The following PPP2R2C variants were observed in gnomAD, a reference collection of about 807,000 sequenced individuals.
PPP2R2C encodes the protein protein phosphatase 2, regulatory subunit B, gamma.
A neutral mutation model predicts 45.3 loss-of-function variants in PPP2R2C; 10 were observed. The observed-to-expected ratio is 0.22, with a 90% CI of 0.14 to 0.37. PPP2R2C has a LOEUF of 0.37. Among genes scored for constraint, PPP2R2C ranks in the 10% least tolerant of loss-of-function variants. The probability of loss-of-function intolerance (pLI) is 1.00; values close to 1 mark genes in which losing one functional copy is unlikely to be tolerated. For synonymous variants in PPP2R2C, 257 were observed against 245.4 expected, an observed-to-expected ratio of 1.05 and a Z score of -0.44; for missense variants, 308 against 619.7, an observed-to-expected ratio of 0.50 and a Z score of 5.34.
chr4:6,375,227 G>T (rs1715201320), intron 4 of PPP2R2C, among the ~76,000 whole-genome samples: 1 of 152,182 alleles, frequency 6.6e-6, no homozygotes, highest in Non-Finnish European at 1.5e-5. Context: ...AGTCATTTAG[G>T]CCAATGTATT....
chr4:6,487,206 C>T (rs1180037869), intron 2 of PPP2R2C, among the ~76,000 whole-genome samples: 1 of 151,978 alleles, frequency 6.6e-6, no homozygotes, highest in Non-Finnish European at 1.5e-5. Flanking sequence ...CCTCACACTA[C>T]ATGGTTATTA....
chr4:6,350,322 T>A (rs914327744), intron 5 of PPP2R2C: 120 of 985,370 alleles, frequency 1.2e-4, no homozygotes, highest in South Asian at 1.4e-4. Flanking sequence ...AGGTCCTTAC[T>A]GAACTTCACT....
At chr4:6,367,393 G>A (rs1714419325) in intron 5 of PPP2R2C, among the ~76,000 whole-genome samples, 1 of 152,062 alleles carries the variant, frequency 6.6e-6, no homozygotes, top group South Asian at 2.1e-4. Flanking sequence ...GCAGGGGTCA[G>A]AAGGATGCAA....
Position 6,351,070 on chromosome 4 carries a change from C to G in PPP2R2C, c.626-3060G>C, listed in dbSNP as rs190093417. Reference sequence around the variant, plus strand: ...CTGTAATCCCAGCACTTTGGGAGGTCAAGGCGAGCAGGTCACCTGAGCTCA... The same window carrying G: ...CTGTAATCCCAGCACTTTGGGAGGTGAAGGCGAGCAGGTCACCTGAGCTCA... On this transcript the variant is annotated intron_variant, in intron 5 of 8. Coordinates refer to ENST00000382599, the MANE Select transcript of PPP2R2C (RefSeq NM_020416.4). 2.7e-4 allele frequency: 259 copies of G among 970,484 alleles called. 3 individuals carry two copies. In the East Asian group the frequency reaches 0.026, roughly 96 times the overall value. 60.1% of individuals were successfully genotyped at this position (970,484 alleles called of 1,614,324 possible). A position where few individuals can be genotyped will look rare whatever the true frequency, so the allele number is the denominator to read the frequency against.
intron 1 of PPP2R2C, among the ~76,000 whole-genome samples, chr4:6,537,551 G>GTT (rs66460332): frequency 1.1e-4 from 14 of 127,600 alleles, no homozygotes; most frequent in Admixed American, 2.3e-4. Context: ...AAGATTTTTT[G>GTT]TTTTTTTTTT....
At chr4:6,371,655 G>A (rs763753808) in intron 5 of PPP2R2C, among the ~76,000 whole-genome samples, 8 of 152,164 alleles carry the variant, frequency 5.3e-5, no homozygotes, top group Non-Finnish European at 1.2e-4. Context: ...TGCTGGCTGT[G>A]AGCTTTGAGC....
intron 2 of PPP2R2C, among the ~76,000 whole-genome samples, chr4:6,532,802 G>A (rs1008859279): frequency 6.6e-6 from 1 of 152,202 alleles, no homozygotes; most frequent in African/African-American, 2.4e-5. Context: ...CCCGGTCCCT[G>A]TTCCTCACAT....
intron 5 of PPP2R2C, chr4:6,349,146 C>T: frequency 2.0e-6 from 2 of 985,380 alleles, no homozygotes; most frequent in Non-Finnish European, 1.2e-6. Context: ...CCACCCATCA[C>T]CCTGACAGAA....
At chr4:6,443,937 C>A (rs998344482) in intron 1 of PPP2R2C, among the ~76,000 whole-genome samples, 1 of 152,172 alleles carries the variant, frequency 6.6e-6, no homozygotes, top group Non-Finnish European at 1.5e-5. Flanking sequence ...AGCCCAGCAG[C>A]CCAACCCTGG....
Position 6,323,486 on chromosome 4 carries a change from A to G in PPP2R2C, c.1160T>C (p.Val387Ala). The G allele has an allele frequency of 6.2e-7, 1 of 1,611,822 alleles. No homozygotes were observed. Among genetic ancestry groups the G allele is most frequent in the Non-Finnish European group, 8.5e-7 (1 of 1,178,156 alleles). The change falls in exon 9 of 9, where the codon GTG (valine) becomes GCG (alanine). Residue 387 changes from valine (V) to alanine (A), a missense_variant. By Grantham distance (64) the Val-to-Ala change is moderately conservative (BLOSUM62 0). Coordinates refer to ENST00000382599, the MANE Select transcript of PPP2R2C (RefSeq NM_020416.4). ...CACGCACACGCGCCGTGGCTTGAGC[A>G]CAGCCCGGGGCTTGCTGCTTTCCCT... Reference protein sequence around the residue: ...ASRESSKPRAVLKPRRVCVGG... With the variant: ...ASRESSKPRAALKPRRVCVGG...
At chr4:6,452,486 C>T (rs1164313737) in intron 1 of PPP2R2C, among the ~76,000 whole-genome samples, 1 of 152,228 alleles carries the variant, frequency 6.6e-6, no homozygotes, top group Non-Finnish European at 1.5e-5. Flanking sequence ...AGAGAAGACA[C>T]TGGCATTTGC....
chr4:6,324,926 T>C lies in PPP2R2C; in HGVS notation c.1053-1333A>G, dbSNP rs1460920986. 6.6e-6 allele frequency among the ~76,000 whole-genome samples: 1 copy of C among 152,194 alleles called. No individual in the cohort carries two copies. The highest frequency in any genetic ancestry group is 1.5e-5 in the Non-Finnish European group (1 of 68,030). Reference sequence around the variant, plus strand: ...AAGAGGATGTTACGAAAAGCGACCATAAAGAAGTTGTCCTGCTGAAGGCTC... The same window carrying C: ...AAGAGGATGTTACGAAAAGCGACCACAAAGAAGTTGTCCTGCTGAAGGCTC... On this transcript the variant is annotated intron_variant, in intron 8 of 8. Coordinates refer to ENST00000382599, the MANE Select transcript of PPP2R2C (RefSeq NM_020416.4). This position sits in a 1 kb window ranked among gnomAD's most constrained non-coding sequence, Gnocchi z 4.1.
At chr4:6,461,241 A>C (rs942293672) in intron 1 of PPP2R2C, among the ~76,000 whole-genome samples, 1 of 152,198 alleles carries the variant, frequency 6.6e-6, no homozygotes, top group Non-Finnish European at 1.5e-5. Flanking sequence ...GGGGAGGGTC[A>C]GGGGTTGAGT....
chr4:6,333,639 A>G lies in PPP2R2C; in HGVS notation c.883T>C (p.Tyr295His). 6.2e-7 allele frequency: 1 copy of G among 1,614,100 alleles called. No individual in the cohort carries two copies. Residue 295 changes from tyrosine (Y) to histidine (H), a missense_variant, in exon 7 of 9, where the codon TAC becomes CAC. Tyr to His is a moderately conservative substitution (Grantham distance 83). Coordinates refer to ENST00000382599, the MANE Select transcript of PPP2R2C (RefSeq NM_020416.4). ...SDVKFSHSGR[Y>H]MLTRDYLTVK... ...GTAAGGTAGTCCCGGGTGAGCATGTAGCGGCCGCTGTGGCTGAACTTCACG... is the reference window on the plus strand; with the variant it reads ...GTAAGGTAGTCCCGGGTGAGCATGTGGCGGCCGCTGTGGCTGAACTTCACG...
chr4:6,523,763 G>A (rs540043714), intron 2 of PPP2R2C, among the ~76,000 whole-genome samples: 1 of 152,308 alleles, frequency 6.6e-6, no homozygotes, highest in South Asian at 2.1e-4. Context: ...ACACTGGAAC[G>A]CGAATGTTCC....
At chr4:6,520,234 G>A (rs1463096607) in intron 2 of PPP2R2C, among the ~76,000 whole-genome samples, 2 of 152,144 alleles carry the variant, frequency 1.3e-5, no homozygotes, top group Non-Finnish European at 2.9e-5. Flanking sequence ...ATGTGCAGAG[G>A]AGGAGGGAGG....
chr4:6,360,781 G>A (rs898181599), intron 5 of PPP2R2C, among the ~76,000 whole-genome samples: 9 of 152,342 alleles, frequency 5.9e-5, no homozygotes, highest in South Asian at 2.1e-4. Context: ...GCTACAGACC[G>A]AGTGGCTTAA....
chr4:6,423,459 C>A (rs1020902684), intron 1 of PPP2R2C, among the ~76,000 whole-genome samples: 1 of 152,242 alleles, frequency 6.6e-6, no homozygotes, highest in African/African-American at 2.4e-5. Context: ...CCACCTCAGC[C>A]TCCCAAAGTG....
intron 1 of PPP2R2C, among the ~76,000 whole-genome samples, chr4:6,431,907 G>A (rs2109411440): frequency 6.6e-6 from 1 of 152,284 alleles, no homozygotes; most frequent in South Asian, 2.1e-4. Context: ...GGAAGTCCAA[G>A]ATCGAGGTGT....
Sources: allele counts gnomAD v4.1 joint callset (sites outside exome capture counted in the v4.1 genomes callset), GRCh38; gene constraint gnomAD v4.1.1; non-coding constraint Gnocchi (gnomAD v3.1); transcripts MANE v1.5; gene names NCBI Gene and HGNC (gene_info 2026-07-23, HGNC 2026-07-21).